Variants in LRRC4C observed in about 807,000 individuals in gnomAD.
LRRC4C encodes the protein leucine rich repeat containing 4C.
Under a neutral mutation model 33.6 loss-of-function variants are expected in LRRC4C, and 5 were observed. The ratio of observed to expected loss-of-function variants is 0.15; its 90% CI spans 0.08 to 0.31. The LOEUF (loss-of-function observed/expected upper bound fraction) is 0.31. Ranked by LOEUF, LRRC4C falls within the 10% of genes least tolerant of loss-of-function variation. The probability of loss-of-function intolerance (pLI) is 1.00; values close to 1 mark genes in which losing one functional copy is unlikely to be tolerated. For missense variants in LRRC4C, 560 were observed against 796.7 expected, an observed-to-expected ratio of 0.70 and a Z score of 3.58; for synonymous variants, 329 against 302.0, an observed-to-expected ratio of 1.09 and a Z score of -0.93.
chr11:41,404,138 A>G (rs1211878294), intron 1 of LRRC4C, among the ~76,000 whole-genome samples: 2 of 152,072 alleles, frequency 1.3e-5, no homozygotes, highest in Non-Finnish European at 2.9e-5. Flanking sequence ...GAGAAAGTTA[A>G]AAGAAATGCA....
chr11:41,222,219 C>T (rs921767494), intron 1 of LRRC4C, among the ~76,000 whole-genome samples: 1 of 152,098 alleles, frequency 6.6e-6, no homozygotes, highest in African/African-American at 2.4e-5. Context: ...TATTGAAAAT[C>T]ACTTAAGACT....
chr11:40,609,342 A>G (rs750276690), intron 3 of LRRC4C, among the ~76,000 whole-genome samples: 8 of 152,074 alleles, frequency 5.3e-5, no homozygotes, highest in African/African-American at 1.9e-4. Flanking sequence ...AGAAATAAAA[A>G]TGGAAAATAA....
At chr11:41,022,787 T>C (rs757851717) in intron 1 of LRRC4C, among the ~76,000 whole-genome samples, 3 of 152,014 alleles carry the variant, frequency 2.0e-5, no homozygotes, top group Non-Finnish European at 4.4e-5. Context: ...AATGCAACTT[T>C]TCCCCCATCA....
chr11:40,290,763 A>G (rs1021409076), intron 4 of LRRC4C, among the ~76,000 whole-genome samples: 1 of 152,112 alleles, frequency 6.6e-6, no homozygotes, highest in African/African-American at 2.4e-5. Flanking sequence ...TGCTATAGAA[A>G]GGAAAAGAGG....
At chr11:40,863,823 T>A (rs1954220059) in intron 2 of LRRC4C, among the ~76,000 whole-genome samples, 1 of 152,148 alleles carries the variant, frequency 6.6e-6, no homozygotes, top group African/African-American at 2.4e-5. Flanking sequence ...TATTTTTGTG[T>A]TATTATAATT....
chr11:40,987,683 T>TGAG lies in LRRC4C; in HGVS notation c.-495-53961_-495-53960insCTC, dbSNP rs1853163052. ...ATATATGAGATATAAATGATATATA[T>TGAG]ATATATATCTCATATATATGAGATA... On this transcript the variant is annotated intron_variant, in intron 1 of 6. Transcript: ENST00000528697. Among the ~76,000 whole-genome samples, 3 of 137,326 alleles carry TGAG rather than the reference T, an allele frequency of 2.2e-5. No homozygotes were observed. The South Asian group carries it at 7.1e-4, about 33-fold the overall frequency. 90.1% of individuals were successfully genotyped at this position (137,326 alleles called of 152,430 possible).
intron 1 of LRRC4C, among the ~76,000 whole-genome samples, chr11:41,343,766 A>C (rs1396655285): frequency 1.3e-5 from 2 of 152,200 alleles, no homozygotes; most frequent in African/African-American, 2.4e-5. Flanking sequence ...TGGTGTTTTT[A>C]TGATATGGAA....
chr11:40,839,188 T>A (rs1952808294), intron 2 of LRRC4C, among the ~76,000 whole-genome samples: 1 of 152,168 alleles, frequency 6.6e-6, no homozygotes, highest in Non-Finnish European at 1.5e-5. Flanking sequence ...AACTTCCAGA[T>A]AGAATATATT....
At chr11:40,374,468 A>G (rs1256024819) in intron 3 of LRRC4C, among the ~76,000 whole-genome samples, 1 of 152,198 alleles carries the variant, frequency 6.6e-6, no homozygotes, top group Non-Finnish European at 1.5e-5. Flanking sequence ...ATTCTCCTAT[A>G]ATAAAAATGT....
intron 3 of LRRC4C, among the ~76,000 whole-genome samples, chr11:40,632,778 T>C (rs182701988): frequency 6.6e-6 from 1 of 152,330 alleles, no homozygotes; most frequent in Non-Finnish European, 1.5e-5. Context: ...TTAGTGAGTA[T>C]GTGCTTGCTG....
At chr11:41,214,575 C>CAAAAAAAAAAAAAAAAA (rs547167050) in intron 1 of LRRC4C, among the ~76,000 whole-genome samples, 1 of 34,770 alleles carries the variant, frequency 2.9e-5, no homozygotes. Flanking sequence ...ACTAAAAATA[C>CAAAAAAAAAAAAAAAAA]AAAAAAAAAA....
At chr11:40,923,411 TG>T (rs1957274785) in intron 2 of LRRC4C, among the ~76,000 whole-genome samples, 1 of 152,204 alleles carries the variant, frequency 6.6e-6, no homozygotes, top group African/African-American at 2.4e-5. Context: ...AAGTTAAATG[TG>T]GCAGTGTATA....
intron 2 of LRRC4C, among the ~76,000 whole-genome samples, chr11:40,828,320 A>T (rs1011182844): frequency 1.3e-5 from 2 of 151,798 alleles, no homozygotes; most frequent in African/African-American, 4.8e-5. Flanking sequence ...GAAAATAAGT[A>T]AATTTACATT....
intron 3 of LRRC4C, among the ~76,000 whole-genome samples, chr11:40,387,892 G>A (rs573533166): frequency 6.6e-6 from 1 of 152,094 alleles, no homozygotes; most frequent in Non-Finnish European, 1.5e-5. Context: ...GCTCTTTTGA[G>A]GCTGGGTTAA....
At chr11:40,759,674 T>C (rs986468651) in intron 2 of LRRC4C, among the ~76,000 whole-genome samples, 3 of 151,980 alleles carry the variant, frequency 2.0e-5, no homozygotes, top group African/African-American at 7.2e-5. Context: ...GTTCTGCTTC[T>C]TGTCCAAAGT....
intron 2 of LRRC4C, among the ~76,000 whole-genome samples, chr11:40,921,737 T>A (rs1957189378): frequency 6.6e-6 from 1 of 152,234 alleles, no homozygotes; most frequent in South Asian, 2.1e-4. Flanking sequence ...CTCAAACATT[T>A]ATCTTTTCTT....
chr11:41,258,386 C>G (rs368624186), intron 1 of LRRC4C, among the ~76,000 whole-genome samples: 3 of 151,862 alleles, frequency 2.0e-5, no homozygotes, highest in Non-Finnish European at 4.4e-5. Context: ...TACCACCTAC[C>G]CTTCTCTCTG....
chr11:40,519,293 C>T (rs1955707333), intron 3 of LRRC4C, among the ~76,000 whole-genome samples: 2 of 151,960 alleles, frequency 1.3e-5, no homozygotes, highest in African/African-American at 4.8e-5. Context: ...AGTAGAAATC[C>T]TGGCTATGAA....
intron 2 of LRRC4C, among the ~76,000 whole-genome samples, chr11:40,910,366 G>GA (rs896469091): frequency 4.6e-5 from 7 of 152,012 alleles, no homozygotes; most frequent in African/African-American, 1.7e-4. Context: ...ACACATAGAT[G>GA]AAAAAAACCC....
Sources: allele counts gnomAD v4.1 joint callset (sites outside exome capture counted in the v4.1 genomes callset), GRCh38; gene constraint gnomAD v4.1.1; transcripts MANE v1.5; gene names NCBI Gene and HGNC (gene_info 2026-07-23, HGNC 2026-07-21).